Variants in CSMD1 observed in about 807,000 individuals in gnomAD.
CSMD1 encodes CUB and sushi domain-containing protein 1.
A neutral mutation model predicts 417.5 loss-of-function variants in CSMD1; 213 were observed. The ratio of observed to expected loss-of-function variants is 0.51; its 90% confidence interval spans 0.46 to 0.57. The LOEUF is 0.57. Ranked by LOEUF, CSMD1 falls within the 20% of genes least tolerant of loss-of-function variation. The pLI, the probability that CSMD1 is intolerant of heterozygous loss-of-function variation, is 0.00. For synonymous variants in CSMD1, 2,862 were observed against 1,736.8 expected (o/e 1.65, Z -16.11); for missense variants, 6,923 against 4,529.7 (o/e 1.53, Z -15.17).
chr8:4,431,746 T>G (rs1224268668), intron 2 of CSMD1, among the ~76,000 whole-genome samples: 1 of 152,170 alleles, frequency 6.6e-6, no homozygotes, highest in East Asian at 1.9e-4. Flanking sequence ...TCTAACAATT[T>G]TGAAACCAAA....
rs186449339 is a variant in CSMD1 at position 3,772,554 on chromosome 8, T to C, written c.819-18512A>G. 2.0e-3 allele frequency among the ~76,000 whole-genome samples: 224 copies of C among 110,822 alleles called. 36 individuals carry two copies. Among genetic ancestry groups the C allele is most frequent in the African/African-American group, 7.6e-3 (212 of 27,792 alleles). 72.7% of individuals were successfully genotyped at this position (110,822 alleles called of 152,430 possible). On this transcript the variant is annotated intron_variant, in intron 5 of 69. Transcript: ENST00000635120. ...ATATACATATATACACATATATACA[T>C]ATATACATATATATACATATATACA...
chr8:3,246,539 T>G (rs572325400), intron 26 of CSMD1, among the ~76,000 whole-genome samples: 3 of 152,198 alleles, frequency 2.0e-5, no homozygotes, highest in Admixed American at 6.5e-5. Flanking sequence ...TGACTCAGTC[T>G]GGGCTCACTG....
At chr8:4,954,117 T>A (rs994387754) in intron 1 of CSMD1, among the ~76,000 whole-genome samples, 16 of 150,744 alleles carry the variant, frequency 1.1e-4, no homozygotes, top group African/African-American at 3.6e-4. Context: ...ACACATTATT[T>A]TATTTCTAAA....
intron 5 of CSMD1, among the ~76,000 whole-genome samples, chr8:3,934,844 C>G (rs1265535717): frequency 1.3e-5 from 2 of 152,116 alleles, no homozygotes; most frequent in East Asian, 1.9e-4. Flanking sequence ...AAGACTCTGT[C>G]TCAATAAATA....
intron 2 of CSMD1, among the ~76,000 whole-genome samples, chr8:4,426,518 A>G (rs1414491435): frequency 6.8e-6 from 1 of 147,568 alleles, no homozygotes; most frequent in Non-Finnish European, 1.5e-5. Context: ...TTTTATAAAG[A>G]CTGTAGTATT....
At chr8:4,598,826 T>C (rs1193508416) in intron 2 of CSMD1, among the ~76,000 whole-genome samples, 1 of 152,164 alleles carries the variant, frequency 6.6e-6, no homozygotes, top group Admixed American at 6.5e-5. Flanking sequence ...ACAAATTGTA[T>C]TGTCCAAGCT....
chr8:4,644,208 G>T (rs969044321), intron 1 of CSMD1, among the ~76,000 whole-genome samples: 1 of 152,148 alleles, frequency 6.6e-6, no homozygotes, highest in African/African-American at 2.4e-5. Flanking sequence ...TCACTGGTCA[G>T]TGTCACTTCT....
intron 26 of CSMD1, among the ~76,000 whole-genome samples, chr8:3,264,745 CAT>C (rs1332374671): frequency 6.6e-6 from 1 of 152,056 alleles, no homozygotes; most frequent in Non-Finnish European, 1.5e-5. Flanking sequence ...GTTTAATCTA[CAT>C]GATTAAGGGT....
intron 2 of CSMD1, among the ~76,000 whole-genome samples, chr8:4,608,303 G>A (rs1476655824): frequency 6.6e-6 from 1 of 152,226 alleles, no homozygotes; most frequent in East Asian, 1.9e-4. Flanking sequence ...CAAGGGCAAA[G>A]TGGGGAGATG....
chr8:3,913,335 G>C (rs1291290538), intron 5 of CSMD1, among the ~76,000 whole-genome samples: 2 of 152,022 alleles, frequency 1.3e-5, no homozygotes, highest in South Asian at 2.1e-4. Context: ...GAGAATCCAA[G>C]GCCAATCCGA....
intron 2 of CSMD1, among the ~76,000 whole-genome samples, chr8:4,420,734 G>A (rs1238884): frequency 0.11 from 17,431 of 152,124 alleles, 1,700 homozygotes; most frequent in African/African-American, 0.27. Context: ...GCTGTGAGCC[G>A]TCTAGAGGGC....
chr8:4,440,573 G>C (rs1454206302), intron 2 of CSMD1, among the ~76,000 whole-genome samples: 1 of 152,138 alleles, frequency 6.6e-6, no homozygotes, highest in African/African-American at 2.4e-5. Context: ...AATTTTCAAA[G>C]ATGCAAAACC....
chr8:4,848,884 G>A (rs1177535974), intron 1 of CSMD1, among the ~76,000 whole-genome samples: 2 of 152,124 alleles, frequency 1.3e-5, no homozygotes, highest in Non-Finnish European at 2.9e-5. Flanking sequence ...CTATGTTTCT[G>A]GTTTATAGTT....
At chr8:3,731,974 A>G (rs909899256) in intron 6 of CSMD1, among the ~76,000 whole-genome samples, 4 of 152,214 alleles carry the variant, frequency 2.6e-5, no homozygotes, top group African/African-American at 7.2e-5. Context: ...CACTGAACTC[A>G]GCAGATATTT....
chr8:3,595,160 C>A (rs1457161247), intron 8 of CSMD1, among the ~76,000 whole-genome samples: 1 of 152,262 alleles, frequency 6.6e-6, no homozygotes, highest in East Asian at 1.9e-4. Flanking sequence ...ACCGGATGGC[C>A]TCTGCTGAGG....
chr8:3,439,936 G>A (rs1814864342), intron 12 of CSMD1, among the ~76,000 whole-genome samples: 1 of 152,084 alleles, frequency 6.6e-6, no homozygotes, highest in East Asian at 1.9e-4. Flanking sequence ...GAATTGCTTT[G>A]GCCCCTTTAC....
At chr8:3,948,489 T>G (rs1811386883) in intron 5 of CSMD1, among the ~76,000 whole-genome samples, 1 of 152,106 alleles carries the variant, frequency 6.6e-6, no homozygotes, top group Admixed American at 6.5e-5. Flanking sequence ...TCTCCAGAAG[T>G]TGTTTTGAAT....
chr8:3,796,664 A>G (rs1312137214), intron 5 of CSMD1, among the ~76,000 whole-genome samples: 1 of 150,110 alleles, frequency 6.7e-6, no homozygotes, highest in African/African-American at 2.4e-5. Flanking sequence ...ATCCACCTAT[A>G]TATCTATATG....
intron 3 of CSMD1, among the ~76,000 whole-genome samples, chr8:4,087,939 A>C (rs1182547854): frequency 1.3e-5 from 2 of 152,150 alleles, no homozygotes; most frequent in Admixed American, 6.5e-5. Context: ...CCTTGTGACC[A>C]AACAGGCTAA....
Sources: allele counts gnomAD v4.1 joint callset (sites outside exome capture counted in the v4.1 genomes callset), GRCh38; gene constraint gnomAD v4.1.1; transcripts MANE v1.5; gene names NCBI Gene and HGNC (gene_info 2026-07-23, HGNC 2026-07-21).